Variants in PDSS2 observed in about 807,000 individuals in gnomAD.
PDSS2 encodes all trans-polyprenyl-diphosphate synthase PDSS2.
In PDSS2, 31 loss-of-function variants were observed where a neutral mutation model predicts 44.5. The ratio of observed to expected loss-of-function variants is 0.70; its 90% confidence interval spans 0.52 to 0.94. The LOEUF (loss-of-function observed/expected upper bound fraction) is 0.94, where lower values mean the gene tolerates loss of function less well. PDSS2 is among the 40% of genes least tolerant of loss of function. The probability of loss-of-function intolerance (pLI) is 0.00; values close to 1 mark genes in which losing one functional copy is unlikely to be tolerated. For synonymous variants in PDSS2, 157 were observed against 180.3 expected (o/e 0.87, Z 1.03); for missense variants, 452 against 482.2 (o/e 0.94, Z 0.59).
intron 7 of PDSS2, among the ~76,000 whole-genome samples, chr6:107,174,044 G>C (rs782541355): frequency 1.3e-5 from 2 of 152,164 alleles, no homozygotes; most frequent in Non-Finnish European, 2.9e-5. Context: ...GGCAGGAATG[G>C]TCTCACAGCA....
chr6:107,351,600 T>C (rs1178765523), intron 1 of PDSS2, among the ~76,000 whole-genome samples: 1 of 152,194 alleles, frequency 6.6e-6, no homozygotes, highest in African/African-American at 2.4e-5. Context: ...CTCTATAATA[T>C]ATAAGCACAA....
At chr6:107,397,199 G>A (rs1415985203) in intron 1 of PDSS2, among the ~76,000 whole-genome samples, 1 of 150,390 alleles carries the variant, frequency 6.6e-6, no homozygotes, top group Non-Finnish European at 1.5e-5. Flanking sequence ...TTTTTTTGGT[G>A]GTCGAGGGGG....
intron 7 of PDSS2, among the ~76,000 whole-genome samples, chr6:107,189,220 G>A (rs1287012304): frequency 3.9e-5 from 6 of 152,224 alleles, no homozygotes; most frequent in African/African-American, 7.2e-5. Context: ...GCTAATTTTT[G>A]TATTTTTTTT....
chr6:107,346,959 A>G (rs1215091620), intron 1 of PDSS2, among the ~76,000 whole-genome samples: 1 of 152,226 alleles, frequency 6.6e-6, no homozygotes, highest in Non-Finnish European at 1.5e-5. Flanking sequence ...AGCACACAAC[A>G]GAGGGTTGGT....
chr6:107,232,450 T>C (rs138955642), intron 4 of PDSS2, among the ~76,000 whole-genome samples: 8 of 152,344 alleles, frequency 5.3e-5, no homozygotes, highest in African/African-American at 1.4e-4. Context: ...GGAATGTTTT[T>C]TCCCCCCAAC....
intron 2 of PDSS2, among the ~76,000 whole-genome samples, chr6:107,323,444 G>A (rs1209405921): frequency 1.3e-5 from 2 of 152,116 alleles, no homozygotes; most frequent in Admixed American, 1.3e-4. Context: ...TAAGCTCCTG[G>A]TTTGAAGCCC....
At chr6:107,444,884 T>G (rs780582343) in intron 1 of PDSS2, among the ~76,000 whole-genome samples, 24 of 152,176 alleles carry the variant, frequency 1.6e-4, no homozygotes, top group Non-Finnish European at 2.8e-4. Context: ...CATACTAAAT[T>G]AATCCTATCC....
At chr6:107,387,708 C>T (rs1454076724) in intron 1 of PDSS2, among the ~76,000 whole-genome samples, 1 of 152,222 alleles carries the variant, frequency 6.6e-6, no homozygotes, top group East Asian at 1.9e-4. Context: ...ACTAAGTTGG[C>T]TTTCCAGCCC....
At chr6:107,376,435 C>A (rs546934818) in intron 1 of PDSS2, among the ~76,000 whole-genome samples, 14 of 152,244 alleles carry the variant, frequency 9.2e-5, no homozygotes, top group African/African-American at 3.1e-4. Flanking sequence ...TCTTTTATTT[C>A]ATTCAGCAGT....
intron 4 of PDSS2, among the ~76,000 whole-genome samples, chr6:107,223,686 C>T (rs1034753109): frequency 6.6e-6 from 1 of 151,262 alleles, no homozygotes; most frequent in Non-Finnish European, 1.5e-5. Flanking sequence ...TGCACTCTAG[C>T]TTGGGCAGCA....
intron 1 of PDSS2, among the ~76,000 whole-genome samples, chr6:107,448,519 C>T (rs967515014): frequency 8.5e-5 from 13 of 152,164 alleles, no homozygotes; most frequent in East Asian, 3.9e-4. Context: ...CCATCTAAGA[C>T]CACCTCAGCC....
chr6:107,394,204 C>T (rs371320774), intron 1 of PDSS2, among the ~76,000 whole-genome samples: 1 of 152,014 alleles, frequency 6.6e-6, no homozygotes. Context: ...AGTGGTTCTT[C>T]TAGGATTTGG....
chr6:107,205,510 C>T (rs1772943302), intron 6 of PDSS2, among the ~76,000 whole-genome samples: 1 of 152,140 alleles, frequency 6.6e-6, no homozygotes, highest in South Asian at 2.1e-4. Context: ...GACTTCACCT[C>T]CCCAGGGTGA....
At chr6:107,441,690 G>C (rs1486969609) in intron 1 of PDSS2, among the ~76,000 whole-genome samples, 2 of 152,170 alleles carry the variant, frequency 1.3e-5, no homozygotes, top group Non-Finnish European at 2.9e-5. Context: ...GGGGCAGAAG[G>C]CAGTAAATTC....
chr6:107,411,386 A>C (rs530845217), intron 1 of PDSS2, among the ~76,000 whole-genome samples: 1 of 152,344 alleles, frequency 6.6e-6, no homozygotes, highest in East Asian at 1.9e-4. Context: ...GGACAACCAA[A>C]TGAGTTACCA....
intron 1 of PDSS2, among the ~76,000 whole-genome samples, chr6:107,402,863 T>C (rs115553485): frequency 0.038 from 5,720 of 152,040 alleles, 359 homozygotes; most frequent in African/African-American, 0.13. Context: ...CTCCCACATT[T>C]GGGGATTATG....
At chr6:107,411,693 TATTA>T (rs963334395) in intron 1 of PDSS2, among the ~76,000 whole-genome samples, 21 of 152,238 alleles carry the variant, frequency 1.4e-4, no homozygotes, top group African/African-American at 3.9e-4. Context: ...ACTTAAATTG[TATTA>T]ATTATTATAA....
chr6:107,401,175 G>C (rs1462661045), intron 1 of PDSS2, among the ~76,000 whole-genome samples: 1 of 152,168 alleles, frequency 6.6e-6, no homozygotes, highest in Admixed American at 6.5e-5. Context: ...TACTCAGGAA[G>C]GACACAAGCT....
chr6:107,175,601 A>G (rs1771759584), intron 7 of PDSS2, among the ~76,000 whole-genome samples: 1 of 152,210 alleles, frequency 6.6e-6, no homozygotes, highest in Admixed American at 6.5e-5. Context: ...CTTATGATAA[A>G]GCCATATTTA....
Sources: allele counts gnomAD v4.1 joint callset (sites outside exome capture counted in the v4.1 genomes callset), GRCh38; gene constraint gnomAD v4.1.1; transcripts MANE v1.5; gene names NCBI Gene and HGNC (gene_info 2026-07-23, HGNC 2026-07-21).